The following KCTD4 variants were observed in gnomAD, a reference collection of about 807,000 sequenced individuals.
KCTD4 encodes the protein potassium channel tetramerization domain containing 4, also known as BTB/POZ domain-containing protein KCTD4.
In KCTD4, 12 loss-of-function variants were observed where a neutral mutation model predicts 18.3. The ratio of observed to expected loss-of-function variants is 0.66; its 90% CI spans 0.42 to 1.06. The LOEUF (loss-of-function observed/expected upper bound fraction) is 1.06, where lower values mean the gene tolerates loss of function less well. KCTD4 is among the 50% of genes least tolerant of loss of function. KCTD4 has a pLI of 0.00. For missense variants in KCTD4, 250 were observed against 303.4 expected (o/e 0.82, Z 1.31); for synonymous variants, 124 against 110.5 (o/e 1.12, Z -0.76).
chr13:45,197,099 A>G (rs1236742694), intron 1 of KCTD4, among the ~76,000 whole-genome samples: 3 of 151,772 alleles, frequency 2.0e-5, no homozygotes, highest in African/African-American at 4.8e-5. Flanking sequence ...TTTGCCACCC[A>G]TGGCCTGGCA....
Position 45,194,056 on chromosome 13 carries a change from C to T in KCTD4, c.512G>A (p.Arg171His), listed in dbSNP as rs1361007987. Residue 171 changes from arginine to histidine, a missense_variant, in exon 2 of 2, where the codon CGC becomes CAC. By Grantham distance (29) the Arg-to-His change is conservative. Coordinates refer to ENST00000379108, the MANE Select transcript of KCTD4 (RefSeq NM_198404.3). ...APDFISKIKS[R>H]IVLVSKSRLD... is the part of the protein sequence containing the mutation. ...CCTGCTTTTGGACACCAGAACAATGCGAGACTTTATTTTTGATATGAAATC... is the reference window on the plus strand; with the variant it reads ...CCTGCTTTTGGACACCAGAACAATGTGAGACTTTATTTTTGATATGAAATC... 22 of 1,614,092 alleles carry T rather than the reference C, an allele frequency of 1.4e-5. No individual in the cohort carries two copies. Among genetic ancestry groups the T allele is most frequent in the South Asian group, 2.2e-5 (2 of 91,084 alleles).
At chr13:45,198,394 G>A (rs80001491) in intron 1 of KCTD4, among the ~76,000 whole-genome samples, 4,353 of 152,250 alleles carry the variant, frequency 0.029, 189 homozygotes, top group African/African-American at 0.093. Flanking sequence ...TATCCCTCCC[G>A]ACTGGAAGAT....
Position 45,196,019 on chromosome 13 carries a change from T to A in KCTD4, c.-187-1265A>T, listed in dbSNP as rs1176866316. Among the ~76,000 whole-genome samples the A allele has an allele frequency of 2.0e-5, 3 of 152,316 alleles. No homozygotes were observed. In the East Asian group the frequency reaches 5.8e-4, roughly 29 times the overall value. The stretch of plus-strand genomic sequence containing the variant: ...GCATTAAAAGTATTTTAAAATTATT[T>A]AACTGTATGTTGACATAGGAATATT... On this transcript the variant is annotated intron_variant, in intron 1 of 1. Transcript: ENST00000379108.
At chr13:45,197,333 C>A (rs1451881789) in intron 1 of KCTD4, among the ~76,000 whole-genome samples, 7 of 132,946 alleles carry the variant, frequency 5.3e-5, no homozygotes, top group Admixed American at 3.6e-4. Context: ...CCTTTGTCTA[C>A]CAAAAATTAA....
rs1873151060 is a variant in KCTD4, at chr13:45,200,903, A to T, written c.-267T>A. ...GTGTGATGTAATTAAGAGTCAGGAGAGTAAGGAGAGTAACTTCGAGGTCTG... is the reference window on the plus strand; with the variant it reads ...GTGTGATGTAATTAAGAGTCAGGAGTGTAAGGAGAGTAACTTCGAGGTCTG... On this transcript the variant is annotated 5_prime_UTR_variant, in exon 1 of 2. Transcript: ENST00000379108. Among the ~76,000 whole-genome samples, 2 of 152,148 alleles carry T rather than the reference A, an allele frequency of 1.3e-5. No homozygotes were observed. The highest frequency in any genetic ancestry group is 2.9e-5 in the Non-Finnish European group (2 of 68,044).
Position 45,194,032 on chromosome 13 carries a change from C to A in KCTD4, c.536G>T (p.Arg179Met). 6.2e-7 allele frequency: 1 copy of A among 1,614,102 alleles called. No homozygotes were observed. Among genetic ancestry groups the A allele is most frequent in the Non-Finnish European group, 8.5e-7 (1 of 1,180,000 alleles). The change falls in exon 2 of 2, where the codon AGG becomes ATG. Residue 179 changes from arginine (R) to methionine (M), a missense_variant. By Grantham distance (91) the Arg-to-Met change is moderately conservative. Coordinates refer to ENST00000379108, the MANE Select transcript of KCTD4 (RefSeq NM_198404.3). ...KSRIVLVSKS[R>M]LDGFPEEFSI... ...AAACTCCTCTGGAAATCCATCCAGC[C>A]TGCTTTTGGACACCAGAACAATGCG...
At position 45,200,914 on chromosome 13, in the gene KCTD4, T is replaced by G. The variant is rs1320772828; in HGVS notation, c.-278A>C. 1.3e-5 allele frequency among the ~76,000 whole-genome samples: 2 copies of G among 152,018 alleles called. No homozygotes were observed. Among genetic ancestry groups the G allele is most frequent in the Non-Finnish European group, 2.9e-5 (2 of 68,020 alleles). ...TTAAGAGTCAGGAGAGTAAGGAGAG[T>G]AACTTCGAGGTCTGGAGGATCAGCC... On this transcript the variant is annotated 5_prime_UTR_variant, in exon 1 of 2. Transcript: ENST00000379108.
chr13:45,193,563 T>G lies in KCTD4; in HGVS notation c.*225A>C. 1 of 482,600 alleles carries G rather than the reference T, an allele frequency of 2.1e-6. No individual in the cohort carries two copies. The highest frequency in any genetic ancestry group is 4.8e-5 in the South Asian group (1 of 20,956). The allele number at this position is 482,600 out of a possible 1,614,324, so 29.9% of individuals were successfully genotyped here. A position where few individuals can be genotyped will look rare whatever the true frequency, so the allele number is the denominator to read the frequency against. On this transcript the variant is annotated 3_prime_UTR_variant, in exon 2 of 2. Transcript: ENST00000379108. ...GTCTTTATTTACAGTATATAGAAGG[T>G]TACTGTTTTCATTTTAGGTGGAAGA...
Position 45,194,332 on chromosome 13 carries a change from A to G in KCTD4, c.236T>C (p.Ile79Thr), listed in dbSNP as rs752607396. The G allele has an allele frequency of 4.3e-6, 7 of 1,614,060 alleles. No homozygotes were observed. In the South Asian group the frequency reaches 4.4e-5, roughly 10 times the overall value. The change falls in exon 2 of 2, where the codon ATA (isoleucine) becomes ACA (threonine). Residue 79 changes from isoleucine to threonine, a missense_variant. Coordinates refer to ENST00000379108, the MANE Select transcript of KCTD4 (RefSeq NM_198404.3). ...CCTGAAGAGGAGACCATCCCTGTCT[A>G]TGAAATAATGACCATCAGCATCAAA... ...CPFDADGHYF[I>T]DRDGLLFRHV...
intron 1 of KCTD4, among the ~76,000 whole-genome samples, chr13:45,198,099 A>G (rs1397269637): frequency 6.6e-6 from 1 of 152,264 alleles, no homozygotes; most frequent in Non-Finnish European, 1.5e-5. Context: ...TTGAGAATTT[A>G]AACTGGTCCT....
At chr13:45,196,389 A>G (rs1401559753) in intron 1 of KCTD4, among the ~76,000 whole-genome samples, 2 of 152,166 alleles carry the variant, frequency 1.3e-5, no homozygotes, top group Non-Finnish European at 2.9e-5. Context: ...TATTCTGACA[A>G]TCTCATGTTT....
At position 45,193,891 on chromosome 13, in the gene KCTD4, T is replaced by C; in HGVS notation, c.677A>G (p.Glu226Gly). 1 of 1,614,168 alleles carries C rather than the reference T, an allele frequency of 6.2e-7. No homozygotes were observed. The highest frequency in any genetic ancestry group is 8.5e-7 in the Non-Finnish European group (1 of 1,180,000). The change falls in exon 2 of 2, where the codon GAG (glutamate) becomes GGG (glycine). Residue 226 changes from glutamate to glycine, a missense_variant. Physicochemically the swap from Glu to Gly is moderately conservative, Grantham distance 98. Transcript: ENST00000379108. ...ACACTTTAAAGCCATCATGATAGCC[T>C]CAAACTTAAGAGTTTCCAAGGTACA... is the stretch of plus-strand genomic sequence containing the variant. ...FVCTLETLKF[E>G]AIMMALKCGF...
intron 1 of KCTD4, among the ~76,000 whole-genome samples, chr13:45,195,834 T>C (rs1872863977): frequency 6.6e-6 from 1 of 152,210 alleles, no homozygotes; most frequent in Admixed American, 6.5e-5. Flanking sequence ...TTAATTTATT[T>C]TTGTAGAGAC....
At chr13:45,198,989 A>T (rs61949174) in intron 1 of KCTD4, among the ~76,000 whole-genome samples, 31,424 of 152,144 alleles carry the variant, frequency 0.21, 3,485 homozygotes, top group African/African-American at 0.23. Context: ...ATTTTGAAAT[A>T]TAAAATTTAT....
At chr13:45,195,372 C>T (rs1872838208) in intron 1 of KCTD4, among the ~76,000 whole-genome samples, 1 of 151,778 alleles carries the variant, frequency 6.6e-6, no homozygotes, top group Non-Finnish European at 1.5e-5. Flanking sequence ...GAACTTGTTT[C>T]ACTCGGAGCC....
rs774662198 is a variant in KCTD4, at chr13:45,193,806, T to C, written c.762A>G (p.Ala254=). 6.3e-7 allele frequency: 1 copy of C among 1,591,016 alleles called. No individual in the cohort carries two copies. The highest frequency in any genetic ancestry group is 8.5e-7 in the Non-Finnish European group (1 of 1,171,126). The part of the protein sequence containing the change: ...CSKGSIVHSD[A]LHFIK ...CAGGTAATTACTTGATAAAATGAAGTGCATCGCTGTGAACAATTGACCCTT... is the reference window on the plus strand; with the variant it reads ...CAGGTAATTACTTGATAAAATGAAGCGCATCGCTGTGAACAATTGACCCTT... The change falls in exon 2 of 2, where the codon GCA becomes GCG. Residue 254 remains alanine, a synonymous_variant. Coordinates refer to ENST00000379108, the MANE Select transcript of KCTD4 (RefSeq NM_198404.3).
Position 45,193,293 on chromosome 13 carries a change from G to C in KCTD4, c.*495C>G, listed in dbSNP as rs1872727931. Reference sequence around the variant, plus strand: ...TACAATCTCATTTTGTTTCACTATAGCTCTGTTTTAGTTAGATCTGCACAT... The same window carrying C: ...TACAATCTCATTTTGTTTCACTATACCTCTGTTTTAGTTAGATCTGCACAT... On this transcript the variant is annotated 3_prime_UTR_variant, in exon 2 of 2. Coordinates refer to ENST00000379108, the MANE Select transcript of KCTD4 (RefSeq NM_198404.3). The C allele has an allele frequency of 6.6e-6, 1 of 152,546 alleles. No individual in the cohort carries two copies. 9.4% of individuals were successfully genotyped at this position (152,546 alleles called of 1,614,324 possible).
rs1406071488 is a variant in KCTD4 at position 45,194,767 on chromosome 13, G to A, written c.-187-13C>T. ...ATGCAGGAGCTTTCTGGAGTAAGACGGAAAAGAGAATTTGCATTTAACTGT... is the reference window on the plus strand; with the variant it reads ...ATGCAGGAGCTTTCTGGAGTAAGACAGAAAAGAGAATTTGCATTTAACTGT... On this transcript the variant is annotated splice_polypyrimidine_tract_variant and intron_variant, in intron 1 of 1. Coordinates refer to ENST00000379108, the MANE Select transcript of KCTD4 (RefSeq NM_198404.3). 7.0e-6 allele frequency: 4 copies of A among 572,120 alleles called. No homozygotes were observed. The highest frequency in any genetic ancestry group is 5.3e-5 in the South Asian group (2 of 37,860). 35.4% of individuals were successfully genotyped at this position (572,120 alleles called of 1,614,324 possible).
Position 45,193,713 on chromosome 13 carries a change from G to T in KCTD4, c.*75C>A. 7.4e-7 allele frequency: 1 copy of T among 1,359,116 alleles called. No homozygotes were observed. The highest frequency in any genetic ancestry group is 1.5e-5 in the African/African-American group (1 of 68,610). 84.2% of individuals were successfully genotyped at this position (1,359,116 alleles called of 1,614,324 possible). On this transcript the variant is annotated 3_prime_UTR_variant, in exon 2 of 2. Transcript: ENST00000379108. ...ACAGAGCTAGCTGGGCATGTTATTT[G>T]GGATGTCTTTGATGCTGTGGTTTTC...
Sources: allele counts gnomAD v4.1 joint callset (sites outside exome capture counted in the v4.1 genomes callset), GRCh38; gene constraint gnomAD v4.1.1; transcripts MANE v1.5; gene names NCBI Gene and HGNC (gene_info 2026-07-23, HGNC 2026-07-21).